The following ABCA6 variants were observed in gnomAD, a reference collection of about 807,000 sequenced individuals.
ABCA6 encodes ATP-binding cassette sub-family A member 6.
A neutral mutation model predicts 191.2 loss-of-function variants in ABCA6; 164 were observed. The observed-to-expected ratio is 0.86, with a 90% CI of 0.76 to 0.98. ABCA6 has a LOEUF of 0.98. Among genes scored for constraint, ABCA6 ranks in the 50% least tolerant of loss-of-function variants. The pLI, the probability that ABCA6 is intolerant of heterozygous loss-of-function variation, is 0.00. For synonymous variants in ABCA6, 636 were observed against 647.7 expected, an observed-to-expected ratio of 0.98 and a Z score of 0.27; for missense variants, 1,958 against 1,894.1, an observed-to-expected ratio of 1.03 and a Z score of -0.63.
intron 20 of ABCA6, 142 bp from the exon 21 acceptor site, chr17:69,103,110 A>G: frequency 1.9e-6 from 1 of 533,524 alleles, no homozygotes; most frequent in Non-Finnish European, 3.2e-6. Flanking sequence ...CACAATAATA[A>G]TATTGACCCA....
At chr17:69,111,626 G>A (rs1199276230) in intron 16 of ABCA6, 1 of 152,536 alleles carries the variant, frequency 6.6e-6, no homozygotes. Flanking sequence ...TGCCATGATT[G>A]TAAGTTTCCT....
At position 69,097,986 on chromosome 17, in the gene ABCA6, A is replaced by G; in HGVS notation, c.3054T>C (p.Phe1018=). Residue 1018 remains phenylalanine (F), a synonymous_variant, in exon 23 of 39, where the codon TTT becomes TTC. Coordinates refer to ENST00000284425, the MANE Select transcript of ABCA6 (RefSeq NM_080284.3). ...TGCTACATAGAACCAAAAATAAGAAAAAGGAACCATCCGGCAACCCAGTCC... is the reference window on the plus strand; with the variant it reads ...TGCTACATAGAACCAAAAATAAGAAGAAGGAACCATCCGGCAACCCAGTCC... ...GLWTGLPDGS[F]FLFLVLCSIS... The G allele has an allele frequency of 6.2e-7, 1 of 1,612,292 alleles. No individual in the cohort carries two copies. Among genetic ancestry groups the G allele is most frequent in the Non-Finnish European group, 8.5e-7 (1 of 1,179,308 alleles).
intron 15 of ABCA6, 178 bp downstream of exon 15, chr17:69,113,044 G>T: frequency 1.7e-6 from 1 of 587,052 alleles, no homozygotes; most frequent in Non-Finnish European, 2.5e-6. Flanking sequence ...TCACTACCTA[G>T]CAAATGTACA....
At chr17:69,124,577 T>C (rs1359415276) in intron 9 of ABCA6, among the ~76,000 whole-genome samples, 2 of 151,948 alleles carry the variant, frequency 1.3e-5, no homozygotes, top group Admixed American at 6.6e-5. Flanking sequence ...TAAATCCTAA[T>C]ATGACCCTTT....
chr17:69,109,077 G>C (rs1413877866), intron 17 of ABCA6: 2 of 152,188 alleles, frequency 1.3e-5, no homozygotes, highest in African/African-American at 4.8e-5. Context: ...AGGACATAGA[G>C]AGCTGCCACA....
At chr17:69,113,516 T>C in intron 14 of ABCA6, 102 bp downstream of exon 14, 1 of 1,578,602 alleles carries the variant, frequency 6.3e-7, no homozygotes, top group Non-Finnish European at 8.6e-7. Context: ...AGGTTCTCTC[T>C]TGATGCATTA....
intron 10 of ABCA6, among the ~76,000 whole-genome samples, chr17:69,122,320 C>A (rs2073663489): frequency 6.6e-6 from 1 of 152,070 alleles, no homozygotes; most frequent in African/African-American, 2.4e-5. Context: ...ATTTAAAGCG[C>A]TGATCCATTA....
In ABCA6 at chr17:69,085,190, A is replaced by C. The variant is rs1279341170; in HGVS notation, c.4030-8T>G. The C allele has an allele frequency of 1.4e-5, 22 of 1,602,020 alleles. No homozygotes were observed. The highest frequency in any genetic ancestry group is 1.9e-5 in the Non-Finnish European group (22 of 1,174,418). On this transcript the variant is annotated splice_region_variant and splice_polypyrimidine_tract_variant and intron_variant, in intron 31 of 38. Coordinates refer to ENST00000284425, the MANE Select transcript of ABCA6 (RefSeq NM_080284.3). ...GCAGCCTTTCAGTTCCACCTAAAAA[A>C]ATAAAAGAGCTTTAGAAAGGCATGC...
At chr17:69,136,399 G>A in intron 3 of ABCA6, 149 bp from the exon 4 acceptor site, 1 of 625,648 alleles carries the variant, frequency 1.6e-6, no homozygotes, top group South Asian at 3.4e-5. Context: ...AAATGCAAGG[G>A]GGGAAATTTA....
rs2072557890 is a variant in ABCA6 at position 69,078,945 on chromosome 17, T to G, written c.*28A>C. The stretch of plus-strand genomic sequence containing the variant: ...ACATAAAACATGAGTTTATAGGAGA[T>G]CAACAAAAAATTACTAGGTTTGAGG... On this transcript the variant is annotated 3_prime_UTR_variant, in exon 39 of 39. Transcript: ENST00000284425. 4 of 1,441,480 alleles carry G rather than the reference T, an allele frequency of 2.8e-6. No homozygotes were observed. Among genetic ancestry groups the G allele is most frequent in the Non-Finnish European group, 3.8e-6 (4 of 1,042,050 alleles). 89.3% of individuals were successfully genotyped at this position (1,441,480 alleles called of 1,614,324 possible).
chr17:69,115,801 GGTTT>G (rs775929690), intron 11 of ABCA6: 12 of 169,114 alleles, frequency 7.1e-5, no homozygotes, highest in Non-Finnish European at 1.4e-4. Flanking sequence ...TTAGAAAGAT[GGTTT>G]ATTTAATAAA....
At chr17:69,135,144 G>T (rs758494560) in intron 4 of ABCA6, 32 of 169,292 alleles carry the variant, frequency 1.9e-4, no homozygotes, top group South Asian at 1.3e-3. Flanking sequence ...GCCTCTCAAA[G>T]TGCTGGGATT....
intron 8 of ABCA6, among the ~76,000 whole-genome samples, 191 bp downstream of exon 8, chr17:69,128,428 A>AT (rs1333201529): frequency 1.3e-5 from 2 of 151,920 alleles, no homozygotes; most frequent in Non-Finnish European, 2.9e-5. Flanking sequence ...AATCTGAAGG[A>AT]TTTTTTTAAA....
chr17:69,113,163 C>A, intron 15 of ABCA6, 59 bp downstream of exon 15: 3 of 1,553,870 alleles, frequency 1.9e-6, no homozygotes, highest in Admixed American at 2.1e-5. Context: ...TGGGAATAGA[C>A]CTCGCTTCTA....
chr17:69,105,120 G>A (rs2073266970), intron 20 of ABCA6: 1 of 226,164 alleles, frequency 4.4e-6, no homozygotes, highest in Non-Finnish European at 8.4e-6. Context: ...TTGCCTTTGT[G>A]GTATAGGTTA....
In ABCA6 at chr17:69,126,920, C is replaced by T. The variant is rs371711164; in HGVS notation, c.1119+1699G>A. Among the ~76,000 whole-genome samples the T allele has an allele frequency of 1.6e-4, 25 of 152,254 alleles. No individual in the cohort carries two copies. The South Asian group carries it at 5.0e-3, about 30-fold the overall frequency. ...AGAGATTAAAGAGGTAAAACTGTTA[C>T]TGCCAGATATCAAGACATATGATAA... On this transcript the variant is annotated intron_variant, in intron 8 of 38. Coordinates refer to ENST00000284425, the MANE Select transcript of ABCA6 (RefSeq NM_080284.3).
chr17:69,140,320 T>C (rs1482315152), intron 2 of ABCA6, among the ~76,000 whole-genome samples: 1 of 152,132 alleles, frequency 6.6e-6, no homozygotes. Flanking sequence ...AACATTTTTT[T>C]TGTACTTCTT....
chr17:69,129,460 A>C, intron 7 of ABCA6, 150 bp downstream of exon 7: 1 of 598,684 alleles, frequency 1.7e-6, no homozygotes, highest in Non-Finnish European at 2.7e-6. Context: ...CACTCCATAG[A>C]AACTATTTCA....
chr17:69,114,788 T>C lies in ABCA6; in HGVS notation c.1756A>G (p.Ile586Val). Residue 586 changes from isoleucine to valine, a missense_variant, in exon 13 of 39, where the codon ATT becomes GTT. Physicochemically the swap from Ile to Val is conservative, Grantham distance 29 (BLOSUM62 3). Coordinates refer to ENST00000284425, the MANE Select transcript of ABCA6 (RefSeq NM_080284.3). ...TCTTGTTCCACTTCCTTTAGATGAA[T>C]CCCTTTTATTTTAGCAAACAGGCTG... ...NLSLFAKIKG[I>V]HLKEVEQEVQ... The C allele has an allele frequency of 6.2e-7, 1 of 1,611,886 alleles. No individual in the cohort carries two copies. The highest frequency in any genetic ancestry group is 8.5e-7 in the Non-Finnish European group (1 of 1,178,944).
Sources: gnomAD v4.1 joint callset for allele counts (sites outside exome capture counted in the v4.1 genomes callset) on GRCh38, gnomAD v4.1.1 for gene constraint, MANE v1.5 for transcripts, NCBI Gene and HGNC (gene_info 2026-07-23, HGNC 2026-07-21) for gene names.